GRIK2: variants seen among roughly 807,000 people sequenced by gnomAD.
The protein encoded by GRIK2 is glutamate ionotropic receptor kainate type subunit 2.
GRIK2 carries 32 observed loss-of-function variants against 100.3 expected under a neutral mutation model. That is an observed-to-expected ratio of 0.32 (90% CI 0.24 to 0.43). The LOEUF is 0.43. Ranked by LOEUF, GRIK2 falls within the 20% of genes least tolerant of loss-of-function variation. The pLI is 1.00. For missense variants in GRIK2, 843 were observed against 1,114.9 expected (o/e 0.76, Z 3.47); for synonymous variants, 417 against 389.4 (o/e 1.07, Z -0.83).
intron 2 of GRIK2, among the ~76,000 whole-genome samples, chr6:101,551,446 G>T (rs1279854024): frequency 1.3e-5 from 2 of 152,096 alleles, no homozygotes; most frequent in East Asian, 3.9e-4. Context: ...AATTGAGGGT[G>T]GGATAAAATT....
In GRIK2 at chr6:101,691,447, A is replaced by G. The variant is rs139738465; in HGVS notation, c.951+5094A>G. ...CGAGTAGCTGGGATTACAGGCGCAC[A>G]CCACCACGCCTGGCTAATTTTTGTA... On this transcript the variant is annotated intron_variant, in intron 7 of 16. Transcript: ENST00000369134. Among the ~76,000 whole-genome samples the G allele has an allele frequency of 2.5e-3, 384 of 151,884 alleles. 7 individuals carry two copies. The highest frequency in any genetic ancestry group is 9.0e-3 in the African/African-American group (372 of 41,434).
chr6:101,615,693 A>C (rs1403158053), intron 2 of GRIK2, among the ~76,000 whole-genome samples: 1 of 151,824 alleles, frequency 6.6e-6, no homozygotes, highest in African/African-American at 2.4e-5. Flanking sequence ...GTTTTATAGA[A>C]GATTCCCAGT....
chr6:102,052,036 G>A (rs949886400), intron 15 of GRIK2, among the ~76,000 whole-genome samples: 1 of 152,114 alleles, frequency 6.6e-6, no homozygotes, highest in African/African-American at 2.4e-5. Context: ...CTTCATTAGA[G>A]TTAAGTGCAT....
intron 16 of GRIK2, among the ~76,000 whole-genome samples, chr6:102,063,437 A>T (rs1413467299): frequency 1.3e-5 from 2 of 150,734 alleles, no homozygotes; most frequent in Admixed American, 6.6e-5. Context: ...AAGTTAAATC[A>T]TGCTGGTTAT....
chr6:101,941,825 T>A (rs954738399), intron 14 of GRIK2, among the ~76,000 whole-genome samples: 2 of 152,154 alleles, frequency 1.3e-5, no homozygotes, highest in African/African-American at 4.8e-5. Flanking sequence ...CAGTTGATCC[T>A]AATTTTTAAA....
Position 101,858,391 on chromosome 6 carries a change from T to C in GRIK2, c.1318-896T>C, listed in dbSNP as rs565469888. On this transcript the variant is annotated intron_variant, in intron 10 of 16. Transcript: ENST00000369134. ...CTCTCTCTCTATTTTTTTTTCTTTT[T>C]TTTTTTTTTTTTTTGAGACGGAGTC... Among the ~76,000 whole-genome samples the C allele has an allele frequency of 1.1e-3, 156 of 143,840 alleles. 1 individual carries two copies. In the South Asian group the frequency reaches 0.028, roughly 26 times the overall value. 94.4% of individuals were successfully genotyped at this position (143,840 alleles called of 152,430 possible).
At chr6:101,933,313 TCTC>T (rs2128473238) in intron 14 of GRIK2, among the ~76,000 whole-genome samples, 1 of 151,932 alleles carries the variant, frequency 6.6e-6, no homozygotes, top group South Asian at 2.1e-4. Flanking sequence ...TTTCTTTTCC[TCTC>T]CTCCTCTTCC....
intron 10 of GRIK2, among the ~76,000 whole-genome samples, chr6:101,826,905 C>T (rs1299105392): frequency 6.6e-6 from 1 of 151,924 alleles, no homozygotes; most frequent in African/African-American, 2.4e-5. Context: ...GTGAACAGCA[C>T]AACTAGCAAA....
chr6:101,685,257 T>C (rs1387765210), intron 6 of GRIK2, among the ~76,000 whole-genome samples: 5 of 152,102 alleles, frequency 3.3e-5, no homozygotes, highest in African/African-American at 1.2e-4. Flanking sequence ...ACCTAAAGAT[T>C]CCTATGTTTT....
intron 2 of GRIK2, among the ~76,000 whole-genome samples, chr6:101,598,055 T>G (rs541973640): frequency 1.1e-4 from 16 of 151,884 alleles, no homozygotes; most frequent in Middle Eastern, 3.4e-3. Context: ...ATGTACTGAC[T>G]GATTGTATGG....
intron 2 of GRIK2, among the ~76,000 whole-genome samples, chr6:101,506,568 C>T (rs1397116225): frequency 6.6e-6 from 1 of 152,030 alleles, no homozygotes; most frequent in Admixed American, 6.6e-5. Context: ...GATCAGAGTT[C>T]CATGAAAATG....
intron 14 of GRIK2, among the ~76,000 whole-genome samples, chr6:102,016,937 ACT>A (rs1769143213): frequency 6.6e-6 from 1 of 152,108 alleles, no homozygotes; most frequent in Non-Finnish European, 1.5e-5. Context: ...CTCAGCAGAA[ACT>A]CTATGAGCCA....
At chr6:101,500,886 A>G (rs1286801553) in intron 2 of GRIK2, among the ~76,000 whole-genome samples, 2 of 152,004 alleles carry the variant, frequency 1.3e-5, no homozygotes, top group African/African-American at 4.8e-5. Flanking sequence ...AATGAATATA[A>G]GTTATTCCAA....
chr6:102,046,577 C>G (rs1770900270), intron 15 of GRIK2, among the ~76,000 whole-genome samples: 2 of 152,096 alleles, frequency 1.3e-5, no homozygotes, highest in Admixed American at 1.3e-4. Context: ...TTTCCTGAGG[C>G]CTCCCAGTCA....
At chr6:101,911,389 T>G (rs1220472157) in intron 12 of GRIK2, among the ~76,000 whole-genome samples, 1 of 151,578 alleles carries the variant, frequency 6.6e-6, no homozygotes, top group Admixed American at 6.6e-5. Flanking sequence ...TCAAGAATAT[T>G]ATTATTTATA....
chr6:101,938,610 G>A (rs564884193), intron 14 of GRIK2, among the ~76,000 whole-genome samples: 4 of 152,004 alleles, frequency 2.6e-5, no homozygotes, highest in Non-Finnish European at 5.9e-5. Context: ...ATTGCCTAAT[G>A]CACAAAGGTG....
intron 7 of GRIK2, among the ~76,000 whole-genome samples, chr6:101,736,553 C>A (rs1029040762): frequency 6.6e-6 from 1 of 152,180 alleles, no homozygotes. Context: ...GAAGCCACAG[C>A]CTGAGCTCTA....
intron 2 of GRIK2, among the ~76,000 whole-genome samples, chr6:101,554,605 G>T (rs1258196242): frequency 6.6e-6 from 1 of 152,004 alleles, no homozygotes; most frequent in Non-Finnish European, 1.5e-5. Context: ...TCAAACTCTG[G>T]ATATATCACT....
At chr6:101,639,586 A>G (rs2128323790) in intron 4 of GRIK2, among the ~76,000 whole-genome samples, 1 of 150,214 alleles carries the variant, frequency 6.7e-6, no homozygotes, top group Non-Finnish European at 1.5e-5. Context: ...GCGACACTCC[A>G]TCTCAATACA....
Sources: allele counts gnomAD v4.1 joint callset (sites outside exome capture counted in the v4.1 genomes callset), GRCh38; gene constraint gnomAD v4.1.1; transcripts MANE v1.5; gene names NCBI Gene and HGNC (gene_info 2026-07-23, HGNC 2026-07-21).